Variants in ADAMTSL1 observed in about 807,000 individuals in gnomAD.
The protein encoded by ADAMTSL1 is ADAMTS like 1.
A neutral mutation model predicts 201.8 loss-of-function variants in ADAMTSL1; 126 were observed. The ratio of observed to expected loss-of-function variants is 0.62; its 90% CI spans 0.54 to 0.72. The LOEUF (loss-of-function observed/expected upper bound fraction) is 0.72, where lower values mean the gene tolerates loss of function less well. Among genes scored for constraint, ADAMTSL1 ranks in the 30% least tolerant of loss-of-function variants. ADAMTSL1 has a pLI of 0.00. For synonymous variants in ADAMTSL1, 1,121 were observed against 903.4 expected (o/e 1.24, Z -4.32); for missense variants, 2,679 against 2,277.8 (o/e 1.18, Z -3.59).
At chr9:18,130,345 A>G (rs1489846181) in intron 1 of ADAMTSL1, among the ~76,000 whole-genome samples, 1 of 152,188 alleles carries the variant, frequency 6.6e-6, no homozygotes, top group Non-Finnish European at 1.5e-5. Flanking sequence ...TTTCAGGGAG[A>G]ACAAATGTAA....
intron 1 of ADAMTSL1, among the ~76,000 whole-genome samples, chr9:18,498,463 A>G (rs1285515254): frequency 1.3e-5 from 2 of 151,648 alleles, no homozygotes; most frequent in African/African-American, 2.4e-5. Context: ...CAGCCTCCCA[A>G]GTAGCTAGGA....
chr9:17,951,846 G>C (rs2840783), intron 1 of ADAMTSL1, among the ~76,000 whole-genome samples: 128,290 of 152,058 alleles, frequency 0.84, 54,273 homozygotes, highest in East Asian at 0.94. Context: ...GAGACAGGGT[G>C]TCACTCTGTC....
intron 2 of ADAMTSL1, among the ~76,000 whole-genome samples, chr9:18,173,451 T>C (rs971784201): frequency 6.6e-6 from 1 of 152,144 alleles, no homozygotes; most frequent in African/African-American, 2.4e-5. Flanking sequence ...GACTCTTTTT[T>C]TACACTTGAC....
chr9:18,110,542 C>T (rs1824960473), intron 1 of ADAMTSL1, among the ~76,000 whole-genome samples: 1 of 152,144 alleles, frequency 6.6e-6, no homozygotes, highest in Admixed American at 6.6e-5. Flanking sequence ...CTGAGACATC[C>T]TGAGCTTGAG....
intron 20 of ADAMTSL1, among the ~76,000 whole-genome samples, chr9:18,815,911 T>C (rs1331367020): frequency 3.3e-5 from 5 of 151,684 alleles, no homozygotes; most frequent in African/African-American, 9.7e-5. Context: ...AACAGTGTGA[T>C]TTTTTTGGAT....
At chr9:18,797,375 T>G (rs1822488820) in intron 20 of ADAMTSL1, among the ~76,000 whole-genome samples, 2 of 152,360 alleles carry the variant, frequency 1.3e-5, no homozygotes, top group African/African-American at 4.8e-5. Context: ...ACTCACAGTG[T>G]TAGGTGGTTC....
In ADAMTSL1 at chr9:18,504,884, G is replaced by T; in HGVS notation, c.119G>T (p.Gly40Val). Residue 40 changes from glycine (G) to valine (V), a missense_variant, in exon 2 of 29, where the codon GGC (glycine) becomes GTC (valine). Transcript: ENST00000380548. ...EDRDGLWDAWGPWSECSRTCG... is the reference protein window; with the variant it reads ...EDRDGLWDAWVPWSECSRTCG... The stretch of plus-strand genomic sequence containing the variant: ...CGGGACGGCCTATGGGATGCCTGGG[G>T]CCCATGGAGTGAATGCTCACGCACC... The T allele has an allele frequency of 6.2e-7, 1 of 1,613,466 alleles. No homozygotes were observed. The highest frequency in any genetic ancestry group is 8.5e-7 in the Non-Finnish European group (1 of 1,179,834).
intron 2 of ADAMTSL1, among the ~76,000 whole-genome samples, chr9:18,176,574 GA>G (rs1394043796): frequency 6.6e-6 from 1 of 152,122 alleles, no homozygotes; most frequent in Non-Finnish European, 1.5e-5. Context: ...AAGAAGAAAT[GA>G]AAAGCAGTTT....
intron 1 of ADAMTSL1, among the ~76,000 whole-genome samples, chr9:17,919,733 T>G (rs1276148176): frequency 6.6e-6 from 1 of 152,174 alleles, no homozygotes; most frequent in Admixed American, 6.6e-5. Context: ...CTATGGGTAT[T>G]TGGATTTTTC....
chr9:18,598,035 G>A (rs1025409530), intron 4 of ADAMTSL1, among the ~76,000 whole-genome samples: 4 of 152,160 alleles, frequency 2.6e-5, no homozygotes, highest in Non-Finnish European at 5.9e-5. Flanking sequence ...CTGACTGCTT[G>A]TGATCCAAGA....
At chr9:18,644,321 A>G (rs748888607) in intron 7 of ADAMTSL1, among the ~76,000 whole-genome samples, 3 of 151,932 alleles carry the variant, frequency 2.0e-5, no homozygotes, top group Admixed American at 6.6e-5. Context: ...TTTGAAAAAG[A>G]TATTGCAGGA....
chr9:18,706,505 T>G, intron 13 of ADAMTSL1: 1 of 462,442 alleles, frequency 2.2e-6, no homozygotes, highest in Non-Finnish European at 3.9e-6. Flanking sequence ...AAGCAGGTGG[T>G]CTCTGGAATG....
intron 2 of ADAMTSL1, among the ~76,000 whole-genome samples, chr9:18,449,110 A>G (rs967147662): frequency 1.1e-4 from 17 of 151,736 alleles, no homozygotes; most frequent in Non-Finnish European, 1.5e-4. Flanking sequence ...CATGTGAGTG[A>G]GAAGAGCACT....
upstream of ADAMTSL1, among the ~76,000 whole-genome samples, chr9:18,472,424 T>C (rs547769921): frequency 6.6e-6 from 1 of 152,384 alleles, no homozygotes; most frequent in South Asian, 2.1e-4. Flanking sequence ...CTCTTTGTTA[T>C]GGATTTGTAC....
intron 20 of ADAMTSL1, among the ~76,000 whole-genome samples, chr9:18,796,974 A>T (rs550054289): frequency 1.3e-5 from 2 of 152,268 alleles, no homozygotes; most frequent in South Asian, 4.1e-4. Flanking sequence ...TCACAGACTA[A>T]ATGCCCTTTG....
rs953666519 is a variant in ADAMTSL1 at position 18,210,398 on chromosome 9, A to G, written c.207+46417A>G. Among the ~76,000 whole-genome samples, 5 of 1,572 alleles carry G rather than the reference A, an allele frequency of 3.2e-3. No individual in the cohort carries two copies. The Non-Finnish European group carries it at 0.1, about 31-fold the overall frequency. The allele number at this position is 1,572 out of a possible 152,430, so 1.0% of individuals were successfully genotyped here. On this transcript the variant is annotated intron_variant, in intron 2 of 29. Transcript: ENST00000680146. ...GAACACACACATATACGCTAATATT[A>G]TATATTATTATATATGATATATATT...
intron 1 of ADAMTSL1, among the ~76,000 whole-genome samples, chr9:18,104,383 T>G (rs1263005064): frequency 6.6e-6 from 1 of 152,144 alleles, no homozygotes; most frequent in Non-Finnish European, 1.5e-5. Context: ...CACAAAGCCT[T>G]GGACTTGATT....
intron 2 of ADAMTSL1, among the ~76,000 whole-genome samples, chr9:18,219,576 C>A (rs900175870): frequency 6.6e-6 from 1 of 151,976 alleles, no homozygotes; most frequent in Non-Finnish European, 1.5e-5. Context: ...ACCACATTGG[C>A]CAGGCTGGTC....
chr9:18,564,372 G>A (rs746747703), intron 3 of ADAMTSL1, among the ~76,000 whole-genome samples: 7 of 152,048 alleles, frequency 4.6e-5, no homozygotes, highest in Admixed American at 2.6e-4. Context: ...TGAGATGACC[G>A]GGGTACCTCA....
Sources: gnomAD v4.1 joint callset for allele counts (sites outside exome capture counted in the v4.1 genomes callset) on GRCh38, gnomAD v4.1.1 for gene constraint, MANE v1.5 for transcripts, NCBI Gene and HGNC (gene_info 2026-07-23, HGNC 2026-07-21) for gene names.